The following OR2L3 variants were observed in gnomAD, a reference collection of about 807,000 sequenced individuals.
OR2L3 encodes olfactory receptor family 2 subfamily L member 3.
For missense variants in OR2L3, 369 were observed against 376.6 expected (o/e 0.98, Z 0.17); for synonymous variants, 131 against 139.1 (o/e 0.94, Z 0.41).
At chr1:248,048,048 C>T (rs965002409) in intron 1 of OR2L3, among the ~76,000 whole-genome samples, 9 of 152,140 alleles carry the variant, frequency 5.9e-5, no homozygotes, top group Non-Finnish European at 1.0e-4. Context: ...GAACTTACAG[C>T]GTGAAGCAGA....
At chr1:248,054,157 G>A (rs115703257) in intron 1 of OR2L3, among the ~76,000 whole-genome samples, 2,145 of 152,218 alleles carry the variant, frequency 0.014, 62 homozygotes, top group African/African-American at 0.048. Context: ...AAGGAATCCA[G>A]TTTCTATTTT....
chr1:248,052,961 T>G (rs1293081448), intron 1 of OR2L3, among the ~76,000 whole-genome samples: 1 of 152,146 alleles, frequency 6.6e-6, no homozygotes, highest in Non-Finnish European at 1.5e-5. Context: ...TATTGTTTGT[T>G]TTTAAGTTCC....
chr1:248,056,559 C>T lies in OR2L3; in HGVS notation c.-21-4102C>T, dbSNP rs115154099. 3.2e-3 allele frequency among the ~76,000 whole-genome samples: 483 copies of T among 151,966 alleles called. 8 individuals are homozygous for T. Among genetic ancestry groups the T allele is most frequent in the African/African-American group, 0.011 (454 of 41,482 alleles). ...GAGATTCTGATGAGTTGTCTCTTTG[C>T]TTTCTTTGGTCTTAAAGAACTTCTT... On this transcript the variant is annotated intron_variant, in intron 1 of 1. Transcript: ENST00000359959.
Position 248,060,757 on chromosome 1 carries a change from C to G in OR2L3, c.76C>G (p.Leu26Val). ...FFPPSRIGLF[L>V]FILIVFIFLM... ...CCCACCATCAAGAATTGGCCTTTTC[C>G]TCTTCATCCTCATTGTTTTCATTTT... The change falls in exon 2 of 2, where the codon CTC becomes GTC. Residue 26 changes from leucine to valine, a missense_variant. Leu to Val is a conservative substitution (Grantham distance 32, BLOSUM62 1). Coordinates refer to ENST00000359959, the MANE Select transcript of OR2L3 (RefSeq NM_001004687.2). 6.2e-7 allele frequency: 1 copy of G among 1,614,026 alleles called. No homozygotes were observed. The highest frequency in any genetic ancestry group is 8.5e-7 in the Non-Finnish European group (1 of 1,179,968).
intron 1 of OR2L3, among the ~76,000 whole-genome samples, chr1:248,047,711 A>G (rs1663123593): frequency 6.6e-6 from 1 of 152,214 alleles, no homozygotes; most frequent in South Asian, 2.1e-4. Context: ...GTGAGAAGCA[A>G]ATGAGCATAG....
At chr1:248,057,723 G>T (rs548546696) in intron 1 of OR2L3, among the ~76,000 whole-genome samples, 1 of 152,062 alleles carries the variant, frequency 6.6e-6, no homozygotes, top group African/African-American at 2.4e-5. Context: ...CCTTGGTTAG[G>T]TTTATTCTTA....
At position 248,055,952 on chromosome 1, in the gene OR2L3, G is replaced by T. The variant is rs538407597; in HGVS notation, c.-21-4709G>T. 7 of 152,248 alleles carry T rather than the reference G, an allele frequency of 4.6e-5. No individual in the cohort carries two copies. In the East Asian group the frequency reaches 1.3e-3, roughly 29 times the overall value. 9.4% of individuals were successfully genotyped at this position (152,248 alleles called of 1,614,324 possible). On this transcript the variant is annotated intron_variant, in intron 1 of 1. Transcript: ENST00000359959. The stretch of plus-strand genomic sequence containing the variant: ...TATTATTGCCTCAATTTCAGAACTT[G>T]TTATTGGTCTATTTAGGGATTCAAA...
chr1:248,061,457 T>C lies in OR2L3; in HGVS notation c.776T>C (p.Leu259Pro). Residue 259 changes from leucine (L) to proline (P), a missense_variant, in exon 2 of 2, where the codon CTA becomes CCA. Coordinates refer to ENST00000359959, the MANE Select transcript of OR2L3 (RefSeq NM_001004687.2). ...FYYAPFVYTYLRPRSLRSPTE... is the reference protein window; with the variant it reads ...FYYAPFVYTYPRPRSLRSPTE... ...TATGCACCTTTTGTCTACACTTATC[T>C]ACGTCCAAGATCCCTGCGATCTCCA... 1 of 1,614,026 alleles carries C rather than the reference T, an allele frequency of 6.2e-7. No homozygotes were observed. The highest frequency in any genetic ancestry group is 8.5e-7 in the Non-Finnish European group (1 of 1,179,984).
intron 1 of OR2L3, among the ~76,000 whole-genome samples, chr1:248,056,453 G>A (rs1341939240): frequency 6.6e-6 from 1 of 151,866 alleles, no homozygotes; most frequent in Non-Finnish European, 1.5e-5. Flanking sequence ...TTAGGGTGTC[G>A]ATGTGAGATC....
intron 1 of OR2L3, among the ~76,000 whole-genome samples, chr1:248,048,054 G>A (rs750496753): frequency 2.0e-5 from 3 of 152,174 alleles, no homozygotes; most frequent in Non-Finnish European, 4.4e-5. Context: ...ACAGCGTGAA[G>A]CAGAGTAAGC....
intron 1 of OR2L3, chr1:248,055,921 G>A (rs1663419326): frequency 6.6e-6 from 1 of 152,146 alleles, no homozygotes; most frequent in Non-Finnish European, 1.5e-5. Context: ...CCTTTGGTAA[G>A]CTATTTATTA....
At chr1:248,049,723 GT>G (rs1330138808) in intron 1 of OR2L3, among the ~76,000 whole-genome samples, 2 of 152,052 alleles carry the variant, frequency 1.3e-5, no homozygotes, top group African/African-American at 4.8e-5. Context: ...CTTATGTGGA[GT>G]TTTTGTTTTA....
chr1:248,061,397 C>A lies in OR2L3; in HGVS notation c.716C>A (p.Thr239Asn), dbSNP rs746593687. The change falls in exon 2 of 2, where the codon ACC (threonine) becomes AAC (asparagine). Residue 239 changes from threonine (T) to asparagine (N), a missense_variant. Coordinates refer to ENST00000359959, the MANE Select transcript of OR2L3 (RefSeq NM_001004687.2). ...SAEGRKKAYL[T>N]CSTHLTVVTF... Reference sequence around the variant, plus strand: ...GAAGGGAGGAAGAAAGCCTACCTGACCTGCAGCACCCACCTCACTGTAGTA... The same window carrying A: ...GAAGGGAGGAAGAAAGCCTACCTGAACTGCAGCACCCACCTCACTGTAGTA... 12 of 1,613,986 alleles carry A rather than the reference C, an allele frequency of 7.4e-6. No individual in the cohort carries two copies. The South Asian group carries it at 1.3e-4, about 18-fold the overall frequency.
At chr1:248,057,151 A>G (rs1307157019) in intron 1 of OR2L3, among the ~76,000 whole-genome samples, 1 of 152,162 alleles carries the variant, frequency 6.6e-6, no homozygotes, top group Non-Finnish European at 1.5e-5. Context: ...GACATCTATC[A>G]GGTCCACATG....
At chr1:248,054,159 T>C (rs2103115946) in intron 1 of OR2L3, among the ~76,000 whole-genome samples, 1 of 152,316 alleles carries the variant, frequency 6.6e-6, no homozygotes, top group African/African-American at 2.4e-5. Flanking sequence ...GGAATCCAGT[T>C]TCTATTTTCT....
Position 248,060,719 on chromosome 1 carries a change from T to C in OR2L3, c.38T>C (p.Leu13Ser). ...AATCAAACATCAACTGATTTCATCT[T>C]ATTAGGATTCTTCCCACCATCAAGA... ...NYNQTSTDFILLGFFPPSRIG... is the reference protein window; with the variant it reads ...NYNQTSTDFISLGFFPPSRIG... Residue 13 changes from leucine to serine, a missense_variant, in exon 2 of 2, where the codon TTA becomes TCA. Physicochemically the swap from Leu to Ser is moderately radical, Grantham distance 145. Transcript: ENST00000359959. 6.2e-7 allele frequency: 1 copy of C among 1,614,002 alleles called. No individual in the cohort carries two copies. The highest frequency in any genetic ancestry group is 2.2e-5 in the East Asian group (1 of 44,874).
chr1:248,058,809 G>C (rs1663525880), intron 1 of OR2L3, among the ~76,000 whole-genome samples: 1 of 151,824 alleles, frequency 6.6e-6, no homozygotes, highest in Non-Finnish European at 1.5e-5. Flanking sequence ...AGCACATATT[G>C]TTCCTCCAAT....
chr1:248,053,308 T>A (rs1572700536), intron 1 of OR2L3, among the ~76,000 whole-genome samples: 1 of 152,220 alleles, frequency 6.6e-6, no homozygotes, highest in Non-Finnish European at 1.5e-5. Context: ...GGCTGTATAG[T>A]ATTCCATTGT....
At chr1:248,048,094 GA>G (rs1278105075) in intron 1 of OR2L3, among the ~76,000 whole-genome samples, 1 of 152,094 alleles carries the variant, frequency 6.6e-6, no homozygotes, top group Non-Finnish European at 1.5e-5. Context: ...ACAGTCAAAG[GA>G]TATACTTTCA....
Sources: gnomAD v4.1 joint callset for allele counts (sites outside exome capture counted in the v4.1 genomes callset) on GRCh38, gnomAD v4.1.1 for gene constraint, MANE v1.5 for transcripts, NCBI Gene and HGNC (gene_info 2026-07-23, HGNC 2026-07-21) for gene names.